The following GAREM1 variants were observed in gnomAD, a reference collection of about 807,000 sequenced individuals.
The protein encoded by GAREM1 is GRB2 associated regulator of MAPK1 subtype 1, also known as GRB2-associated and regulator of MAPK protein 1.
In GAREM1, 26 loss-of-function variants were observed where a neutral mutation model predicts 71.3. That is an observed-to-expected ratio of 0.36 (90% CI 0.27 to 0.51). The LOEUF (loss-of-function observed/expected upper bound fraction) is 0.51. GAREM1 is among the 20% of genes least tolerant of loss of function. The pLI is 0.95. For missense variants in GAREM1, 1,026 were observed against 1,103.1 expected, an observed-to-expected ratio of 0.93 and a Z score of 0.99; for synonymous variants, 440 against 433.2, an observed-to-expected ratio of 1.02 and a Z score of -0.20.
intron 1 of GAREM1, among the ~76,000 whole-genome samples, chr18:32,435,407 A>C (rs983372344): frequency 1.3e-5 from 2 of 152,162 alleles, no homozygotes; most frequent in African/African-American, 4.8e-5. Context: ...GGAAAACTCT[A>C]TTTTTCTAAT....
At chr18:32,294,105 A>T (rs899334825) in intron 3 of GAREM1, among the ~76,000 whole-genome samples, 8 of 152,240 alleles carry the variant, frequency 5.3e-5, no homozygotes, top group African/African-American at 1.9e-4. Flanking sequence ...ACATCTGACC[A>T]AATTGGAATC....
intron 1 of GAREM1, among the ~76,000 whole-genome samples, chr18:32,422,609 C>T (rs1599036829): frequency 6.6e-6 from 1 of 152,180 alleles, no homozygotes; most frequent in Non-Finnish European, 1.5e-5. Flanking sequence ...TACTAAGGAA[C>T]ACTATTTATT....
At chr18:32,359,326 ATATCTTATC>A (rs2047838319) in intron 2 of GAREM1, among the ~76,000 whole-genome samples, 1 of 152,074 alleles carries the variant, frequency 6.6e-6, no homozygotes, top group East Asian at 1.9e-4. Context: ...AATGACTTGT[ATATCTTATC>A]TACTGATTTT....
intron 1 of GAREM1, among the ~76,000 whole-genome samples, chr18:32,401,407 GT>G (rs566552388): frequency 1.3e-5 from 2 of 151,774 alleles, no homozygotes; most frequent in African/African-American, 4.8e-5. Flanking sequence ...TAACTGCTAA[GT>G]TTTTTTAAGT....
chr18:32,343,614 T>G (rs991408658), intron 2 of GAREM1, among the ~76,000 whole-genome samples: 1 of 152,172 alleles, frequency 6.6e-6, no homozygotes, highest in African/African-American at 2.4e-5. Context: ...ACAAGAGTAC[T>G]TTTAAACCAA....
At chr18:32,441,767 C>T (rs561002652) in intron 1 of GAREM1, among the ~76,000 whole-genome samples, 1 of 152,022 alleles carries the variant, frequency 6.6e-6, no homozygotes, top group Non-Finnish European at 1.5e-5. Context: ...AACCTCCCAA[C>T]CCCGCACAGA....
intron 2 of GAREM1, among the ~76,000 whole-genome samples, chr18:32,392,442 A>T (rs1218537543): frequency 6.6e-6 from 1 of 152,218 alleles, no homozygotes; most frequent in Non-Finnish European, 1.5e-5. Context: ...TATTGAAAGG[A>T]GAGACATATC....
At chr18:32,358,343 T>G in intron 2 of GAREM1, among the ~76,000 whole-genome samples, 1 of 151,976 alleles carries the variant, frequency 6.6e-6, no homozygotes, top group East Asian at 1.9e-4. Flanking sequence ...GGAGGTCAAG[T>G]GAGGGCTTCA....
chr18:32,453,355 C>T (rs2048858917), intron 1 of GAREM1, among the ~76,000 whole-genome samples: 1 of 152,098 alleles, frequency 6.6e-6, no homozygotes, highest in Admixed American at 6.6e-5. Flanking sequence ...CATACCACTG[C>T]TATAATAAAC....
At chr18:32,380,104 G>A (rs1478631796) in intron 2 of GAREM1, among the ~76,000 whole-genome samples, 3 of 152,150 alleles carry the variant, frequency 2.0e-5, no homozygotes, top group Non-Finnish European at 4.4e-5. Flanking sequence ...TTCACACAGT[G>A]TGTACAGAAA....
intron 2 of GAREM1, among the ~76,000 whole-genome samples, chr18:32,314,089 A>G (rs921814386): frequency 8.0e-5 from 12 of 149,552 alleles, no homozygotes; most frequent in African/African-American, 2.3e-4. Context: ...TGACAAAAAA[A>G]GTTTTTTTTT....
At chr18:32,441,739 T>C (rs946267263) in intron 1 of GAREM1, among the ~76,000 whole-genome samples, 1 of 151,920 alleles carries the variant, frequency 6.6e-6, no homozygotes, top group African/African-American at 2.4e-5. Context: ...ACACAGCAAA[T>C]CTCTCCACAT....
chr18:32,337,390 G>A (rs115542647), intron 2 of GAREM1, among the ~76,000 whole-genome samples: 12 of 152,302 alleles, frequency 7.9e-5, no homozygotes, highest in Admixed American at 3.9e-4. Flanking sequence ...CAATATGTAC[G>A]TAAGTGGGGT....
At chr18:32,413,374 A>G (rs1355053519) in intron 1 of GAREM1, 1 of 637,076 alleles carries the variant, frequency 1.6e-6, no homozygotes, top group African/African-American at 1.8e-5. Flanking sequence ...ACAAATGTCA[A>G]TGCTGAAAAC....
chr18:32,288,873 T>C (rs898139774), intron 3 of GAREM1, among the ~76,000 whole-genome samples: 1 of 152,210 alleles, frequency 6.6e-6, no homozygotes, highest in Non-Finnish European at 1.5e-5. Flanking sequence ...TCATCAATAG[T>C]AATACTAACC....
In GAREM1 at chr18:32,353,291, G is replaced by A. The variant is rs1170710514; in HGVS notation, c.262+39604C>T. Reference sequence around the variant, plus strand: ...TGGGCCATGTGTTTTCTGAGCATAGGGGACACAGTAGTATGGCCTCCAAGT... The same window carrying A: ...TGGGCCATGTGTTTTCTGAGCATAGAGGACACAGTAGTATGGCCTCCAAGT... On this transcript the variant is annotated intron_variant, in intron 2 of 5. Transcript: ENST00000269209. Among the ~76,000 whole-genome samples, 5 of 152,118 alleles carry A rather than the reference G, an allele frequency of 3.3e-5. No homozygotes were observed. The South Asian group carries it at 1.0e-3, about 32-fold the overall frequency.
intron 4 of GAREM1, among the ~76,000 whole-genome samples, chr18:32,282,341 G>A (rs1343471392): frequency 6.6e-6 from 1 of 152,180 alleles, no homozygotes; most frequent in Admixed American, 6.5e-5. Context: ...CAGGGGAATC[G>A]CTTGAACCCA....
At chr18:32,410,405 T>C (rs72933507) in intron 1 of GAREM1, among the ~76,000 whole-genome samples, 11,901 of 152,212 alleles carry the variant, frequency 0.078, 645 homozygotes, top group African/African-American at 0.15. Context: ...CTGGAGTGCA[T>C]TGGCATGATC....
At chr18:32,272,757 G>C (rs1172308554) in intron 4 of GAREM1, among the ~76,000 whole-genome samples, 1 of 152,142 alleles carries the variant, frequency 6.6e-6, no homozygotes, top group Non-Finnish European at 1.5e-5. Flanking sequence ...CTGAGTAGCT[G>C]GGATCACAGG....
Sources: allele counts gnomAD v4.1 joint callset (sites outside exome capture counted in the v4.1 genomes callset), GRCh38; gene constraint gnomAD v4.1.1; transcripts MANE v1.5; gene names NCBI Gene and HGNC (gene_info 2026-07-23, HGNC 2026-07-21).